Variants in MTUS1 observed in about 807,000 individuals in gnomAD.
MTUS1 encodes the protein microtubule associated scaffold protein 1, also known as microtubule-associated tumor suppressor 1.
A neutral mutation model predicts 120.8 loss-of-function variants in MTUS1; 109 were observed. The ratio of observed to expected loss-of-function variants is 0.90; its 90% confidence interval spans 0.77 to 1.06. The LOEUF is 1.06. MTUS1 is among the 50% of genes least tolerant of loss of function. MTUS1 has a pLI of 0.00. For synonymous variants in MTUS1, 737 were observed against 550.5 expected (o/e 1.34, Z -4.74); for missense variants, 2,210 against 1,486.3 (o/e 1.49, Z -8.01).
At chr8:17,710,642 C>A (rs1283645120) in intron 6 of MTUS1, among the ~76,000 whole-genome samples, 2 of 152,206 alleles carry the variant, frequency 1.3e-5, no homozygotes, top group African/African-American at 4.8e-5. Flanking sequence ...GGTGCTCTGA[C>A]CTCCTCCCAT....
intron 6 of MTUS1, among the ~76,000 whole-genome samples, chr8:17,709,136 CAA>C (rs11462531): frequency 2.2e-5 from 3 of 137,598 alleles, no homozygotes; most frequent in Non-Finnish European, 1.6e-5. Context: ...GACTCTGCCT[CAA>C]AAAAAAAAAA....
chr8:17,732,666 C>A lies in MTUS1; in HGVS notation c.2288-8833G>T, dbSNP rs189652405. ...CCTCTTATCAATCATTTCTATGTAACTGAGTTTCAGATCTCCCCTTCCCAA... is the reference window on the plus strand; with the variant it reads ...CCTCTTATCAATCATTTCTATGTAAATGAGTTTCAGATCTCCCCTTCCCAA... On this transcript the variant is annotated intron_variant, in intron 3 of 14. Transcript: ENST00000693296. 2.6e-5 allele frequency among the ~76,000 whole-genome samples: 4 copies of A among 152,174 alleles called. No individual in the cohort carries two copies. The East Asian group carries it at 7.7e-4, about 29-fold the overall frequency.
intron 1 of MTUS1, among the ~76,000 whole-genome samples, chr8:17,776,080 G>A (rs1274969439): frequency 6.6e-6 from 1 of 152,138 alleles, no homozygotes; most frequent in Admixed American, 6.5e-5. Flanking sequence ...GCATGGTGCT[G>A]AGTGGTCTTT....
intron 2 of MTUS1, among the ~76,000 whole-genome samples, chr8:17,748,522 A>C: frequency 6.6e-6 from 1 of 152,154 alleles, no homozygotes. Flanking sequence ...CAAAGGGCCC[A>C]CTGAGCTGAT....
In MTUS1 at chr8:17,645,991, C is replaced by G. The variant is rs779300410; in HGVS notation, c.3748G>C (p.Ala1250Pro). 2.5e-6 allele frequency: 4 copies of G among 1,613,298 alleles called. No individual in the cohort carries two copies. The highest frequency in any genetic ancestry group is 3.4e-6 in the Non-Finnish European group (4 of 1,179,876). The stretch of plus-strand genomic sequence containing the variant: ...TTCCTTGGTGACTGCAAAGGGATGG[C>G]GGAGGATGTGGGGGATCTCTTGGGG... ...CSPKRSPTSS[A>P]IPLQSPRNSG... is the part of the protein sequence containing the mutation. Residue 1250 changes from alanine (A) to proline (P), a missense_variant, in exon 15 of 15, where the codon GCC becomes CCC. By Grantham distance (27) the Ala-to-Pro change is conservative. Transcript: ENST00000693296.
At chr8:17,709,069 A>G (rs405180) in intron 6 of MTUS1, 43,442 of 151,644 alleles carry the variant, frequency 0.29, 7,086 homozygotes, top group African/African-American at 0.45. Context: ...CCAGGGAGGC[A>G]GAGCTTGCAG....
At chr8:17,745,133 A>G (rs561230705) in intron 2 of MTUS1, among the ~76,000 whole-genome samples, 1 of 152,318 alleles carries the variant, frequency 6.6e-6, no homozygotes, top group South Asian at 2.1e-4. Flanking sequence ...ATTTTAATCC[A>G]GATCATACCT....
chr8:17,730,823 G>A (rs904011127), intron 3 of MTUS1, among the ~76,000 whole-genome samples: 5 of 152,160 alleles, frequency 3.3e-5, no homozygotes, highest in Non-Finnish European at 5.9e-5. Context: ...TGAAAGAGAC[G>A]GAGAACTGGG....
intron 1 of MTUS1, among the ~76,000 whole-genome samples, chr8:17,767,721 G>C (rs890015166): frequency 9.5e-6 from 1 of 105,340 alleles, no homozygotes; most frequent in African/African-American, 4.0e-5. Flanking sequence ...AAAAAAAACG[G>C]TGTGAAAGAG....
At chr8:17,732,369 T>C (rs541729882) in intron 3 of MTUS1, among the ~76,000 whole-genome samples, 7 of 152,308 alleles carry the variant, frequency 4.6e-5, no homozygotes, top group African/African-American at 1.4e-4. Flanking sequence ...TTGGATGCAA[T>C]TGGTTCCTCC....
At chr8:17,740,640 A>C (rs1024076799) in intron 3 of MTUS1, among the ~76,000 whole-genome samples, 10 of 152,242 alleles carry the variant, frequency 6.6e-5, no homozygotes, top group African/African-American at 2.2e-4. Context: ...AACATAATAC[A>C]GTAGAATCAA....
At chr8:17,688,637 C>T (rs1055692417) in intron 6 of MTUS1, among the ~76,000 whole-genome samples, 2 of 152,208 alleles carry the variant, frequency 1.3e-5, no homozygotes, top group Admixed American at 6.5e-5. Flanking sequence ...GAAGTTCTTT[C>T]AGTCAGTTTC....
At chr8:17,756,051 T>A in intron 1 of MTUS1, 90 bp from the exon 2 acceptor site, 1 of 684,966 alleles carries the variant, frequency 1.5e-6, no homozygotes. Flanking sequence ...TTAGTTTCAA[T>A]CACTTTATGT....
At chr8:17,707,430 C>T (rs560898842) in intron 6 of MTUS1, among the ~76,000 whole-genome samples, 4 of 152,050 alleles carry the variant, frequency 2.6e-5, no homozygotes, top group Admixed American at 6.6e-5. Flanking sequence ...AACTAACCAT[C>T]GAGAAGAACC....
At chr8:17,716,268 G>A (rs1197168926) in intron 4 of MTUS1, among the ~76,000 whole-genome samples, 10 of 152,144 alleles carry the variant, frequency 6.6e-5, no homozygotes, top group Admixed American at 6.5e-4. Flanking sequence ...TGGGGACAAG[G>A]AAGAATTCGC....
intron 1 of MTUS1, among the ~76,000 whole-genome samples, chr8:17,790,199 T>C (rs908308313): frequency 6.6e-6 from 1 of 151,814 alleles, no homozygotes; most frequent in African/African-American, 2.4e-5. Flanking sequence ...ATACAAAAAA[T>C]TAGCCAGACA....
At chr8:17,734,581 T>C (rs577836389) in intron 3 of MTUS1, among the ~76,000 whole-genome samples, 107 of 152,202 alleles carry the variant, frequency 7.0e-4, no homozygotes, top group African/African-American at 2.6e-3. Flanking sequence ...TGGCTTCAGG[T>C]GGGGATTAAA....
intron 6 of MTUS1, among the ~76,000 whole-genome samples, chr8:17,708,310 C>T (rs562308991): frequency 6.6e-6 from 1 of 152,288 alleles, no homozygotes; most frequent in African/African-American, 2.4e-5. Flanking sequence ...GACACTTCTC[C>T]AAAGAAGATA....
At chr8:17,726,356 A>G (rs2046230791) in intron 3 of MTUS1, among the ~76,000 whole-genome samples, 1 of 152,044 alleles carries the variant, frequency 6.6e-6, no homozygotes, top group African/African-American at 2.4e-5. Flanking sequence ...TCCTCACACC[A>G]TGTACTTGTT....
Sources: gnomAD v4.1 joint callset for allele counts (sites outside exome capture counted in the v4.1 genomes callset) on GRCh38, gnomAD v4.1.1 for gene constraint, MANE v1.5 for transcripts, NCBI Gene and HGNC (gene_info 2026-07-23, HGNC 2026-07-21) for gene names.